Variants in TMTC1 observed in about 807,000 individuals in gnomAD.
TMTC1 encodes protein O-mannosyl-transferase TMTC1.
A neutral mutation model predicts 104.8 loss-of-function variants in TMTC1; 73 were observed. The observed-to-expected ratio is 0.70, with a 90% confidence interval of 0.58 to 0.85. The LOEUF is 0.85. Among genes scored for constraint, TMTC1 ranks in the 40% least tolerant of loss-of-function variants. The probability of loss-of-function intolerance (pLI) is 0.00; values close to 1 mark genes in which losing one functional copy is unlikely to be tolerated. For synonymous variants in TMTC1, 434 were observed against 428.7 expected, an observed-to-expected ratio of 1.01 and a Z score of -0.15; for missense variants, 1,035 against 1,096.1, an observed-to-expected ratio of 0.94 and a Z score of 0.79.
At chr12:29,572,062 C>A in intron 9 of TMTC1, 43 bp downstream of exon 9, 2 of 1,512,808 alleles carry the variant, frequency 1.3e-6, no homozygotes, top group Non-Finnish European at 1.8e-6. Flanking sequence ...AAACAACGGT[C>A]TTTAAAGCAC....
At chr12:29,606,569 T>G (rs1257776317) in intron 6 of TMTC1, among the ~76,000 whole-genome samples, 3 of 152,328 alleles carry the variant, frequency 2.0e-5, no homozygotes, top group Admixed American at 1.3e-4. Flanking sequence ...CTAAAATACT[T>G]TTTTACAAAA....
chr12:29,524,684 C>T (rs910099659), intron 11 of TMTC1, among the ~76,000 whole-genome samples: 3 of 152,102 alleles, frequency 2.0e-5, no homozygotes, highest in Non-Finnish European at 4.4e-5. Flanking sequence ...TTGTTTTAAA[C>T]CTATGATGTA....
At chr12:29,529,207 A>G (rs1234309178) in intron 11 of TMTC1, among the ~76,000 whole-genome samples, 1 of 152,204 alleles carries the variant, frequency 6.6e-6, no homozygotes, top group Non-Finnish European at 1.5e-5. Context: ...TCTTAGTACT[A>G]TTAGGAAAGT....
chr12:29,639,108 A>G (rs1307153543), intron 5 of TMTC1, among the ~76,000 whole-genome samples: 4 of 152,210 alleles, frequency 2.6e-5, no homozygotes, highest in Non-Finnish European at 5.9e-5. Context: ...ATTATCCCGT[A>G]CGCCTTCCTA....
At chr12:29,516,021 A>G (rs939780078) in intron 15 of TMTC1, among the ~76,000 whole-genome samples, 5 of 151,404 alleles carry the variant, frequency 3.3e-5, no homozygotes, top group Admixed American at 6.6e-5. Context: ...TGTTATGAGG[A>G]TTACATAAAA....
chr12:29,674,120 A>G (rs941854048), intron 5 of TMTC1, among the ~76,000 whole-genome samples: 3 of 152,088 alleles, frequency 2.0e-5, no homozygotes. Context: ...TACTCTTGAC[A>G]ACACAGAGGC....
chr12:29,759,087 A>T (rs1943283042), intron 2 of TMTC1, among the ~76,000 whole-genome samples: 2 of 152,178 alleles, frequency 1.3e-5, no homozygotes, highest in Admixed American at 6.5e-5. Flanking sequence ...ATTCAAAAAA[A>T]TTTTTGAGCA....
intron 5 of TMTC1, among the ~76,000 whole-genome samples, chr12:29,744,232 C>T (rs1031158072): frequency 7.9e-5 from 12 of 152,140 alleles, no homozygotes; most frequent in African/African-American, 2.9e-4. Flanking sequence ...TTGCCAAGAA[C>T]CGATACCCAA....
intron 5 of TMTC1, among the ~76,000 whole-genome samples, chr12:29,651,533 A>G (rs570535359): frequency 6.6e-6 from 1 of 152,334 alleles, no homozygotes; most frequent in East Asian, 1.9e-4. Context: ...CCTCTGCTAC[A>G]CTGACTTAGC....
chr12:29,638,730 C>T (rs1333907601), intron 5 of TMTC1, among the ~76,000 whole-genome samples: 2 of 152,126 alleles, frequency 1.3e-5, no homozygotes, highest in Admixed American at 6.6e-5. Flanking sequence ...CTGCATGCTT[C>T]GGCTAAGGGT....
chr12:29,535,956 A>C, intron 11 of TMTC1: 1 of 459,892 alleles, frequency 2.2e-6, no homozygotes, highest in Admixed American at 4.3e-5. Context: ...TTCTTGATAG[A>C]TTCTGTACCA....
At chr12:29,623,538 G>A (rs1163902644) in intron 6 of TMTC1, among the ~76,000 whole-genome samples, 1 of 152,214 alleles carries the variant, frequency 6.6e-6, no homozygotes, top group East Asian at 1.9e-4. Context: ...AAAGAGGCCA[G>A]GAGCTGTGGC....
chr12:29,565,461 A>C (rs1347392708), intron 9 of TMTC1, among the ~76,000 whole-genome samples: 1 of 152,200 alleles, frequency 6.6e-6, no homozygotes, highest in Admixed American at 6.5e-5. Flanking sequence ...AGATAGACGT[A>C]ATTTAGGATC....
chr12:29,571,658 A>G (rs1231093069), intron 9 of TMTC1, among the ~76,000 whole-genome samples: 3 of 151,726 alleles, frequency 2.0e-5, no homozygotes, highest in Admixed American at 6.6e-5. Flanking sequence ...TTTTTTTTCT[A>G]TTTAATACAA....
Position 29,685,367 on chromosome 12 carries a change from TAA to T in TMTC1, c.939-52033_939-52032del, listed in dbSNP as rs201264038. On this transcript the variant is annotated intron_variant, in intron 5 of 17. Coordinates refer to ENST00000539277, the MANE Select transcript of TMTC1 (RefSeq NM_001193451.2). ...TTTGTTACCAAAATTATTTCCAAAA[TAA>T]AAAAAAAAAAACTTTCCAGGAAAGC... 5.8e-5 allele frequency among the ~76,000 whole-genome samples: 8 copies of T among 136,782 alleles called. No individual in the cohort carries two copies. In the East Asian group the frequency reaches 6.2e-4, roughly 11 times the overall value. The allele number at this position is 136,782 out of a possible 152,430, so 89.7% of individuals were successfully genotyped here. A position where few individuals can be genotyped will look rare whatever the true frequency, so the allele number is the denominator to read the frequency against.
At chr12:29,677,648 T>C (rs1940776155) in intron 5 of TMTC1, among the ~76,000 whole-genome samples, 2 of 152,188 alleles carry the variant, frequency 1.3e-5, no homozygotes, top group Non-Finnish European at 2.9e-5. Context: ...TTGTTCCGAG[T>C]AGCATAATGA....
At chr12:29,736,050 G>C (rs904663119) in intron 5 of TMTC1, among the ~76,000 whole-genome samples, 3 of 152,138 alleles carry the variant, frequency 2.0e-5, no homozygotes, top group Non-Finnish European at 4.4e-5. Context: ...AGATCGTCCA[G>C]TCCATTCTCT....
intron 5 of TMTC1, among the ~76,000 whole-genome samples, chr12:29,703,105 T>C (rs1292925605): frequency 1.3e-5 from 2 of 151,224 alleles, no homozygotes; most frequent in African/African-American, 2.4e-5. Flanking sequence ...GATTGCTCCA[T>C]TGCAGTCCAG....
At chr12:29,614,145 C>G (rs1311994106) in intron 6 of TMTC1, among the ~76,000 whole-genome samples, 1 of 152,006 alleles carries the variant, frequency 6.6e-6, no homozygotes, top group Non-Finnish European at 1.5e-5. Flanking sequence ...ATGAATATAA[C>G]AAGAAGTGTA....
Sources: allele counts gnomAD v4.1 joint callset (sites outside exome capture counted in the v4.1 genomes callset), GRCh38; gene constraint gnomAD v4.1.1; transcripts MANE v1.5; gene names NCBI Gene and HGNC (gene_info 2026-07-23, HGNC 2026-07-21).